Variants in SYNPO observed in about 807,000 individuals in gnomAD.
SYNPO encodes synaptopodin.
SYNPO carries 19 observed loss-of-function variants against 49.5 expected under a neutral mutation model. That is an observed-to-expected ratio of 0.38 (90% CI 0.27 to 0.56). The LOEUF (loss-of-function observed/expected upper bound fraction) is 0.56, where lower values mean the gene tolerates loss of function less well. SYNPO is among the 20% of genes least tolerant of loss of function. The pLI, the probability that SYNPO is intolerant of heterozygous loss-of-function variation, is 0.68. For synonymous variants in SYNPO, 536 were observed against 548.0 expected (o/e 0.98, Z 0.31); for missense variants, 1,131 against 1,248.3 (o/e 0.91, Z 1.42).
At chr5:150,616,464 G>A (rs1372658351) in intron 1 of SYNPO, among the ~76,000 whole-genome samples, 1 of 152,218 alleles carries the variant, frequency 6.6e-6, no homozygotes, top group African/African-American at 2.4e-5. Context: ...CCTCCCAAGT[G>A]TAATTGGCCA....
At chr5:150,652,246 A>G in intron 2 of SYNPO, 1 of 1,000,570 alleles carries the variant, frequency 1.0e-6, no homozygotes, top group Non-Finnish European at 1.2e-6. Context: ...CCAATGGAAG[A>G]GCCCGCCCTT....
At chr5:150,594,366 G>A in the SYNPO span, among the ~76,000 whole-genome samples, 3 of 152,328 alleles carry the variant, frequency 2.0e-5, no homozygotes, top group South Asian at 2.1e-4. Context: ...GGCTGGAAGA[G>A]GGGAAAACCC....
At chr5:150,603,951 CT>C (rs1477940313) in intron 1 of SYNPO, among the ~76,000 whole-genome samples, 1 of 152,170 alleles carries the variant, frequency 6.6e-6, no homozygotes, top group Non-Finnish European at 1.5e-5. Flanking sequence ...GGGGAAGAAC[CT>C]TGTGAGTTTT....
intron 1 of SYNPO, among the ~76,000 whole-genome samples, chr5:150,646,057 T>G (rs1049144776): frequency 3.3e-5 from 5 of 152,084 alleles, no homozygotes; most frequent in Non-Finnish European, 7.4e-5. Context: ...GGGCCAGGTA[T>G]AGTGGCTCAT....
At position 150,657,067 on chromosome 5, in the gene SYNPO, G is replaced by A. The variant is rs41360746; in HGVS notation, c.2692G>A (p.Glu898Lys). 8.1e-5 allele frequency: 129 copies of A among 1,592,664 alleles called. No homozygotes were observed. Among genetic ancestry groups the A allele is most frequent in the African/African-American group, 7.8e-4 (58 of 74,680 alleles). The stretch of plus-strand genomic sequence containing the variant: ...GCTCAAGCGTGGCAGCCTCCCCGCC[G>A]AGGCCTCCTGCACCACCTAGAGCCC... ...LRLKRGSLPA[E>K]ASCTT Residue 898 changes from glutamate to lysine, a missense_variant, in exon 3 of 3, where the codon GAG becomes AAG. Physicochemically the swap from Glu to Lys is moderately conservative, Grantham distance 56 (BLOSUM62 1). This residue lies in a region of SYNPO where 509 missense variants were observed against 484.5 expected (regional missense o/e 1.05). Transcript: ENST00000307662.
the SYNPO span, among the ~76,000 whole-genome samples, chr5:150,591,547 G>A: frequency 4.6e-5 from 7 of 152,328 alleles, no homozygotes; most frequent in South Asian, 4.1e-4. Flanking sequence ...CTTGGCCTTC[G>A]CCTTCCTGTT....
In SYNPO at chr5:150,631,786, C is replaced by G. The variant is rs950771870; in HGVS notation, c.400+13019C>G. On this transcript the variant is annotated intron_variant, in intron 2 of 2. Coordinates refer to the SYNPO transcript ENST00000394243. ...GAGTCTGGGGCCCTCTCTCCCCCAT[C>G]TCTTCAAGGAGGGTTATGGAGGCCC... 3.9e-5 allele frequency among the ~76,000 whole-genome samples: 6 copies of G among 152,192 alleles called. No individual in the cohort carries two copies. In the South Asian group the frequency reaches 1.0e-3, roughly 26 times the overall value.
chr5:150,592,637 G>T, the SYNPO span, among the ~76,000 whole-genome samples: 1 of 152,234 alleles, frequency 6.6e-6, no homozygotes, highest in South Asian at 2.1e-4. Flanking sequence ...GCTAGTGTAA[G>T]ACAGCAATCT....
rs190856670 is a variant in SYNPO, at chr5:150,623,076, G to A, written c.400+4309G>A. ...TCACCCATGCACAGCTGCCACATGT[G>A]AACACGTCTCAGATTTGCTTACAGA... On this transcript the variant is annotated intron_variant, in intron 2 of 2. Transcript: ENST00000394243. Among the ~76,000 whole-genome samples, 13 of 152,260 alleles carry A rather than the reference G, an allele frequency of 8.5e-5. 1 individual carries two copies. In the East Asian group the frequency reaches 2.3e-3, roughly 27 times the overall value.
In SYNPO at chr5:150,626,643, A is replaced by G. The variant is rs372217645; in HGVS notation, c.400+7876A>G. Among the ~76,000 whole-genome samples, 77 of 152,234 alleles carry G rather than the reference A, an allele frequency of 5.1e-4. 2 individuals carry two copies. In the South Asian group the frequency reaches 0.016, roughly 32 times the overall value. On this transcript the variant is annotated intron_variant, in intron 2 of 2. Transcript: ENST00000394243. The stretch of plus-strand genomic sequence containing the variant: ...TGCCCTTATCTACTCCCCATCCCTT[A>G]AGGTAGGAAAAAAACCAACCAAATC...
chr5:150,640,290 G>T (rs1303891073), upstream of SYNPO, among the ~76,000 whole-genome samples: 1 of 152,210 alleles, frequency 6.6e-6, no homozygotes, highest in African/African-American at 2.4e-5. Context: ...CATGTAGAAA[G>T]GATGTGAGAC....
upstream of SYNPO, among the ~76,000 whole-genome samples, chr5:150,598,403 T>C (rs573443526): frequency 2.0e-5 from 3 of 152,336 alleles, no homozygotes; most frequent in East Asian, 1.9e-4. Context: ...TAGCAGGTTA[T>C]ACTCGTAGGA....
chr5:150,647,824 T>C (rs977397697), intron 1 of SYNPO, 120 bp from the exon 2 acceptor site: 11 of 926,320 alleles, frequency 1.2e-5, no homozygotes, highest in East Asian at 2.6e-5. Context: ...GACGATTAAA[T>C]TCCAGAAGAG....
upstream of SYNPO, among the ~76,000 whole-genome samples, chr5:150,598,485 C>T (rs1051080756): frequency 5.3e-5 from 8 of 152,218 alleles, no homozygotes; most frequent in Non-Finnish European, 7.3e-5. Context: ...TCCCTACCAG[C>T]TTTCTGGGGT....
the SYNPO span, among the ~76,000 whole-genome samples, chr5:150,586,229 G>A: frequency 6.6e-6 from 1 of 152,236 alleles, no homozygotes; most frequent in Admixed American, 6.5e-5. Flanking sequence ...TCTCTAGGGT[G>A]AGGCAGCTGA....
intron 1 of SYNPO, among the ~76,000 whole-genome samples, chr5:150,616,013 G>A (rs897105969): frequency 6.6e-6 from 1 of 152,232 alleles, no homozygotes; most frequent in Admixed American, 6.5e-5. Flanking sequence ...GGGGCAGAAG[G>A]TGGGCTTCTT....
chr5:150,592,017 T>A, the SYNPO span, among the ~76,000 whole-genome samples: 1 of 152,044 alleles, frequency 6.6e-6, no homozygotes. Flanking sequence ...AATACAAAAT[T>A]GGCTGGGCAT....
In SYNPO at chr5:150,656,611, G is replaced by T; in HGVS notation, c.2236G>T (p.Ala746Ser). 6.6e-7 allele frequency: 1 copy of T among 1,513,286 alleles called. No homozygotes were observed. 93.7% of individuals were successfully genotyped at this position (1,513,286 alleles called of 1,614,324 possible). Residue 746 changes from alanine (A) to serine (S), a missense_variant, in exon 3 of 3, where the codon GCG becomes TCG. Coordinates refer to ENST00000307662, the MANE Select transcript of SYNPO (RefSeq NM_007286.6). ...GTCCCCGCTGCGACCTGAGACCGAGGCGCGGCCCCCCAGCCGCCAGCTGCA... is the reference window on the plus strand; with the variant it reads ...GTCCCCGCTGCGACCTGAGACCGAGTCGCGGCCCCCCAGCCGCCAGCTGCA... ...SVSPLRPETE[A>S]RPPSRQLQAL...
At chr5:150,589,756 C>G in the SYNPO span, among the ~76,000 whole-genome samples, 1 of 152,250 alleles carries the variant, frequency 6.6e-6, no homozygotes, top group South Asian at 2.1e-4. Context: ...ATGAGCCACA[C>G]AGTCTCCAGG....
Sources: gnomAD v4.1 joint callset for allele counts (sites outside exome capture counted in the v4.1 genomes callset) on GRCh38, gnomAD v4.1.1 for gene constraint, gnomAD v4.1.1 regional missense constraint, MANE v1.5 for transcripts, NCBI Gene and HGNC (gene_info 2026-07-23, HGNC 2026-07-21) for gene names.